Variants in LRRC8C observed in about 807,000 individuals in gnomAD.
LRRC8C encodes the protein volume-regulated anion channel subunit LRRC8C.
LRRC8C carries 20 observed loss-of-function variants against 55.3 expected under a neutral mutation model. That is an observed-to-expected ratio of 0.36 (90% CI 0.25 to 0.53). LRRC8C has a LOEUF of 0.53. LRRC8C is among the 20% of genes least tolerant of loss of function. The pLI is 0.92. For synonymous variants in LRRC8C, 376 were observed against 360.7 expected, an observed-to-expected ratio of 1.04 and a Z score of -0.48; for missense variants, 659 against 951.4, an observed-to-expected ratio of 0.69 and a Z score of 4.04.
rs1183262289 is a variant in LRRC8C at position 89,707,130 on chromosome 1, G to A, written c.139-5579G>A. 1.8e-4 allele frequency among the ~76,000 whole-genome samples: 28 copies of A among 152,104 alleles called. 1 individual carries two copies. ...TCCTAAAGATCCAGAGGATAGGCCAGGCGCTGTGGCTCATGCCTGTAATCC... is the reference window on the plus strand; with the variant it reads ...TCCTAAAGATCCAGAGGATAGGCCAAGCGCTGTGGCTCATGCCTGTAATCC... On this transcript the variant is annotated intron_variant, in intron 2 of 2. Coordinates refer to ENST00000370454, the MANE Select transcript of LRRC8C (RefSeq NM_032270.5).
chr1:89,671,043 T>C (rs1000957990), intron 1 of LRRC8C, among the ~76,000 whole-genome samples: 1 of 152,144 alleles, frequency 6.6e-6, no homozygotes, highest in African/African-American at 2.4e-5. Context: ...TCACATATGC[T>C]CTTTTTTTTC....
intron 1 of LRRC8C, among the ~76,000 whole-genome samples, chr1:89,664,493 T>C (rs904657942): frequency 1.3e-5 from 2 of 152,196 alleles, no homozygotes; most frequent in South Asian, 2.1e-4. Flanking sequence ...TCTGTTCCAT[T>C]GGTCTATATT....
intron 1 of LRRC8C, among the ~76,000 whole-genome samples, chr1:89,676,780 C>T (rs1657559667): frequency 6.6e-6 from 1 of 152,196 alleles, no homozygotes; most frequent in African/African-American, 2.4e-5. Context: ...ACCCCATTTA[C>T]AAAGGAGTTT....
chr1:89,628,258 T>C (rs116261485), upstream of LRRC8C, among the ~76,000 whole-genome samples: 1,806 of 152,250 alleles, frequency 0.012, 41 homozygotes, highest in African/African-American at 0.041. Context: ...CTTCCTATCA[T>C]AACAGTTGAC....
At chr1:89,629,353 G>A (rs771932814), upstream of LRRC8C, among the ~76,000 whole-genome samples, 1 of 152,176 alleles carries the variant, frequency 6.6e-6, no homozygotes, top group African/African-American at 2.4e-5. Flanking sequence ...AGAATGCAGC[G>A]TAAAATCCTG....
At chr1:89,665,661 A>G (rs888027656) in intron 1 of LRRC8C, among the ~76,000 whole-genome samples, 1 of 152,232 alleles carries the variant, frequency 6.6e-6, no homozygotes, top group Admixed American at 6.5e-5. Context: ...AAAGCAAAAA[A>G]GTTGCAGTAA....
intron 2 of LRRC8C, among the ~76,000 whole-genome samples, chr1:89,690,987 T>A (rs1348833457): frequency 6.6e-6 from 1 of 152,176 alleles, no homozygotes; most frequent in Non-Finnish European, 1.5e-5. Flanking sequence ...AAAAGTGAGA[T>A]GCCAAAAGAA....
chr1:89,713,590 G>A lies in LRRC8C; in HGVS notation c.1020G>A (p.Trp340Ter). 1 of 1,614,052 alleles carries A rather than the reference G, an allele frequency of 6.2e-7. No homozygotes were observed. Among genetic ancestry groups the A allele is most frequent in the Non-Finnish European group, 8.5e-7 (1 of 1,180,008 alleles). The change falls in exon 3 of 3, where the codon TGG becomes TGA. Residue 340 changes from tryptophan (W) to a stop codon, truncating the protein, a stop_gained. Coordinates refer to ENST00000370454, the MANE Select transcript of LRRC8C (RefSeq NM_032270.5). LOFTEE classifies it high-confidence loss of function. The surrounding 1 kb of genome is among the most constrained non-coding windows in gnomAD (Gnocchi z 5.2). Reference sequence around the variant, plus strand: ...TGACGTGCCTTTATACCTTATACTGGCTGTTCTACCGTTCTCTACGGGAAT... The same window carrying A: ...TGACGTGCCTTTATACCTTATACTGACTGTTCTACCGTTCTCTACGGGAAT... ...YGLTCLYTLY[W>*]LFYRSLREYS...
chr1:89,704,717 A>G (rs1364569872), intron 2 of LRRC8C, among the ~76,000 whole-genome samples: 1 of 152,158 alleles, frequency 6.6e-6, no homozygotes, highest in South Asian at 2.1e-4. Context: ...TCAAAACCAC[A>G]ATGAGATACC....
intron 1 of LRRC8C, among the ~76,000 whole-genome samples, chr1:89,636,845 T>G (rs1412268289): frequency 2.0e-5 from 3 of 152,228 alleles, no homozygotes. Context: ...TTTAAAATTC[T>G]TATTTTTCCA....
chr1:89,647,658 A>G (rs1055997575), intron 1 of LRRC8C, among the ~76,000 whole-genome samples: 2 of 152,192 alleles, frequency 1.3e-5, no homozygotes, highest in Non-Finnish European at 2.9e-5. Context: ...AGAAAAGGCC[A>G]TCTCGAAAAT....
intron 2 of LRRC8C, among the ~76,000 whole-genome samples, chr1:89,709,760 T>TG (rs1658593998): frequency 6.6e-6 from 1 of 150,790 alleles, no homozygotes; most frequent in South Asian, 2.1e-4. Flanking sequence ...TGTTTGTTTT[T>TG]TTTTTGTTTG....
At chr1:89,638,600 A>G (rs1018715592) in intron 1 of LRRC8C, among the ~76,000 whole-genome samples, 25 of 145,726 alleles carry the variant, frequency 1.7e-4, no homozygotes, top group African/African-American at 5.6e-4. Context: ...TTGTATGAAT[A>G]TATACAATAC....
chr1:89,643,882 A>G (rs897102255), intron 1 of LRRC8C, among the ~76,000 whole-genome samples: 13 of 152,228 alleles, frequency 8.5e-5, no homozygotes, highest in African/African-American at 2.9e-4. Context: ...CTATTTGATA[A>G]CATAACAATC....
chr1:89,649,563 A>AT (rs1463039439), intron 1 of LRRC8C, among the ~76,000 whole-genome samples: 1 of 152,264 alleles, frequency 6.6e-6, no homozygotes, highest in Non-Finnish European at 1.5e-5. Context: ...AATAACTGCT[A>AT]TTAGTTTCTG....
intron 1 of LRRC8C, among the ~76,000 whole-genome samples, chr1:89,638,625 C>T (rs1656360933): frequency 6.7e-6 from 1 of 150,002 alleles, no homozygotes; most frequent in African/African-American, 2.5e-5. Context: ...ATTTACACAT[C>T]CTCTGGAATT....
At chr1:89,622,077 A>G in the LRRC8C span, among the ~76,000 whole-genome samples, 1 of 152,094 alleles carries the variant, frequency 6.6e-6, no homozygotes, top group Non-Finnish European at 1.5e-5. Flanking sequence ...TTTGTTTAGC[A>G]CTCTAGGGGG....
chr1:89,683,327 T>A (rs1321782984), intron 1 of LRRC8C, among the ~76,000 whole-genome samples: 1 of 151,544 alleles, frequency 6.6e-6, no homozygotes, highest in Non-Finnish European at 1.5e-5. Context: ...ATCATGCATG[T>A]GTAAAAAGAT....
At chr1:89,665,275 A>G (rs547417786) in intron 1 of LRRC8C, among the ~76,000 whole-genome samples, 45 of 152,332 alleles carry the variant, frequency 3.0e-4, no homozygotes, top group Non-Finnish European at 5.3e-4. Context: ...TTTGTCATAA[A>G]TAGCTCTTAT....
Sources: gnomAD v4.1 joint callset for allele counts (sites outside exome capture counted in the v4.1 genomes callset) on GRCh38, gnomAD v4.1.1 for gene constraint, Gnocchi (gnomAD v3.1) non-coding constraint, MANE v1.5 for transcripts, NCBI Gene and HGNC (gene_info 2026-07-23, HGNC 2026-07-21) for gene names.